Variants in TLL1 observed in about 807,000 individuals in gnomAD.
TLL1 encodes the protein tolloid-like protein 1.
Under a neutral mutation model 128.2 loss-of-function variants are expected in TLL1, and 49 were observed. That is an observed-to-expected ratio of 0.38 (90% CI 0.30 to 0.48). The LOEUF is 0.48. Ranked by LOEUF, TLL1 falls within the 20% of genes least tolerant of loss-of-function variation. TLL1 has a pLI of 0.96. For missense variants in TLL1, 1,123 were observed against 1,242.0 expected (o/e 0.90, Z 1.44); for synonymous variants, 454 against 418.8 (o/e 1.08, Z -1.03).
chr4:165,933,685 T>TA (rs762337681), intron 1 of TLL1, among the ~76,000 whole-genome samples: 1 of 152,118 alleles, frequency 6.6e-6, no homozygotes, highest in Non-Finnish European at 1.5e-5. Context: ...GATGGCTTCT[T>TA]ACCTAGAATA....
At chr4:165,922,275 T>C (rs921083247) in intron 1 of TLL1, among the ~76,000 whole-genome samples, 3 of 152,190 alleles carry the variant, frequency 2.0e-5, no homozygotes, top group African/African-American at 7.2e-5. Flanking sequence ...TTGAAACTTA[T>C]TAGCATCAAA....
At chr4:165,905,929 T>C (rs1732232409) in intron 1 of TLL1, among the ~76,000 whole-genome samples, 1 of 152,116 alleles carries the variant, frequency 6.6e-6, no homozygotes, top group Admixed American at 6.6e-5. Context: ...GATACCATCA[T>C]TACGTTCTAG....
At chr4:165,927,661 A>G (rs1733338489) in intron 1 of TLL1, among the ~76,000 whole-genome samples, 1 of 152,198 alleles carries the variant, frequency 6.6e-6, no homozygotes, top group African/African-American at 2.4e-5. Context: ...ATTCCCAACC[A>G]GGAGCAATTT....
At chr4:166,007,833 A>G (rs1737509504) in intron 6 of TLL1, 110 bp from the exon 7 acceptor site, 1 of 753,032 alleles carries the variant, frequency 1.3e-6, no homozygotes, top group Non-Finnish European at 2.4e-6. Flanking sequence ...AAATTCGATC[A>G]GCAAGATCAG....
At chr4:166,012,332 A>G (rs1737734368) in intron 7 of TLL1, among the ~76,000 whole-genome samples, 1 of 151,626 alleles carries the variant, frequency 6.6e-6, no homozygotes. Flanking sequence ...GACCACAAAA[A>G]AGAAGAAAAG....
chr4:165,997,967 T>G (rs1195500992), intron 5 of TLL1, among the ~76,000 whole-genome samples: 1 of 152,184 alleles, frequency 6.6e-6, no homozygotes, highest in Non-Finnish European at 1.5e-5. Context: ...ACATTTGCAT[T>G]TAGTACAACA....
Position 166,091,297 on chromosome 4 carries a change from A to G in TLL1, c.2612A>G (p.Asp871Gly). The G allele has an allele frequency of 6.2e-7, 1 of 1,613,008 alleles. No individual in the cohort carries two copies. The highest frequency in any genetic ancestry group is 8.5e-7 in the Non-Finnish European group (1 of 1,179,364). The change falls in exon 19 of 21, where the codon GAT (aspartate) becomes GGT (glycine). Residue 871 changes from aspartate to glycine, a missense_variant. By Grantham distance (94) the Asp-to-Gly change is moderately conservative (BLOSUM62 -1). Coordinates refer to ENST00000061240, the MANE Select transcript of TLL1 (RefSeq NM_012464.5). ...GNKMFVRFVSDASVQRKGFQA... is the reference protein window; with the variant it reads ...GNKMFVRFVSGASVQRKGFQA... The stretch of plus-strand genomic sequence containing the variant: ...AAAATGTTTGTTCGGTTTGTTTCTG[A>G]TGCATCTGTTCAAAGAAAAGGCTTT...
intron 18 of TLL1, among the ~76,000 whole-genome samples, chr4:166,088,773 C>T (rs886676673): frequency 3.2e-4 from 48 of 152,018 alleles, no homozygotes; most frequent in African/African-American, 1.1e-3. Context: ...GGCACCAGAC[C>T]AGCTGTCAGT....
intron 1 of TLL1, among the ~76,000 whole-genome samples, chr4:165,890,495 A>C (rs1177704043): frequency 1.3e-5 from 2 of 152,238 alleles, no homozygotes; most frequent in African/African-American, 4.8e-5. Flanking sequence ...TTGAGTGAAT[A>C]CACCACTTCC....
At chr4:166,030,893 C>G in intron 9 of TLL1, 1 of 986,046 alleles carries the variant, frequency 1.0e-6, no homozygotes, top group Non-Finnish European at 1.2e-6. Context: ...ATTTATAAAA[C>G]TATAGTTTCA....
chr4:166,098,323 A>G (rs939957706), intron 19 of TLL1, among the ~76,000 whole-genome samples: 1 of 111,876 alleles, frequency 8.9e-6, no homozygotes, highest in Non-Finnish European at 1.8e-5. Flanking sequence ...TGATAGAGCG[A>G]GAGTTCTTCT....
In TLL1 at chr4:166,014,431, T is replaced by C; in HGVS notation, c.918-5T>C. ...TAGGTGTGGTTTGCTTCTGCTTTTTTTCAGGGGGATGTTTCTGGATACCAT... is the reference window on the plus strand; with the variant it reads ...TAGGTGTGGTTTGCTTCTGCTTTTTCTCAGGGGGATGTTTCTGGATACCAT... On this transcript the variant is annotated splice_polypyrimidine_tract_variant and splice_region_variant and intron_variant, in intron 7 of 20. Transcript: ENST00000061240. 6.2e-7 allele frequency: 1 copy of C among 1,612,010 alleles called. No homozygotes were observed. Among genetic ancestry groups the C allele is most frequent in the Non-Finnish European group, 8.5e-7 (1 of 1,178,438 alleles).
At chr4:165,876,746 A>T (rs1730739432) in intron 1 of TLL1, among the ~76,000 whole-genome samples, 1 of 152,220 alleles carries the variant, frequency 6.6e-6, no homozygotes, top group African/African-American at 2.4e-5. Flanking sequence ...GTCTGGCTGT[A>T]TTTGACAATT....
intron 8 of TLL1, among the ~76,000 whole-genome samples, chr4:166,020,707 T>C (rs1310420125): frequency 6.6e-6 from 1 of 152,194 alleles, no homozygotes; most frequent in East Asian, 1.9e-4. Flanking sequence ...ACCTTTTGCT[T>C]ATAACTGTTT....
intron 19 of TLL1, among the ~76,000 whole-genome samples, chr4:166,093,587 A>G (rs1003252265): frequency 6.6e-6 from 1 of 152,248 alleles, no homozygotes; most frequent in African/African-American, 2.4e-5. Flanking sequence ...GCTTTCCTCT[A>G]TCTGAACTGC....
chr4:165,903,732 A>AACACACACAC (rs1561018121), intron 1 of TLL1, among the ~76,000 whole-genome samples: 18 of 104,720 alleles, frequency 1.7e-4, no homozygotes, highest in African/African-American at 6.0e-4. Context: ...TTAAGTTCTT[A>AACACACACAC]TCACACACAC....
intron 1 of TLL1, among the ~76,000 whole-genome samples, chr4:165,882,088 T>C (rs1264148592): frequency 6.6e-6 from 1 of 152,180 alleles, no homozygotes; most frequent in East Asian, 1.9e-4. Flanking sequence ...ATATGCTGTG[T>C]GAAGTTACTT....
intron 1 of TLL1, among the ~76,000 whole-genome samples, chr4:165,934,718 T>C (rs1272109427): frequency 2.0e-5 from 3 of 152,250 alleles, no homozygotes; most frequent in Non-Finnish European, 4.4e-5. Context: ...CTGGATCACC[T>C]GTAACCCATC....
rs557744602 is a variant in TLL1 at position 166,021,159 on chromosome 4, G to A, written c.1043-4157G>A. ...GAGAGAATTCGCCTATATTCTGAAT[G>A]GAATATATTTTATATAACTGCTTTT... On this transcript the variant is annotated intron_variant, in intron 8 of 20. Coordinates refer to ENST00000061240, the MANE Select transcript of TLL1 (RefSeq NM_012464.5). Among the ~76,000 whole-genome samples, 2 of 152,088 alleles carry A rather than the reference G, an allele frequency of 1.3e-5. 1 individual carries two copies. The highest frequency in any genetic ancestry group is 3.9e-4 in the East Asian group (2 of 5,174).
Sources: gnomAD v4.1 joint callset for allele counts (sites outside exome capture counted in the v4.1 genomes callset) on GRCh38, gnomAD v4.1.1 for gene constraint, MANE v1.5 for transcripts, NCBI Gene and HGNC (gene_info 2026-07-23, HGNC 2026-07-21) for gene names.